ODF2: variants seen among roughly 807,000 people sequenced by gnomAD.
ODF2 encodes the protein outer dense fiber protein 2.
Under a neutral mutation model 110.2 loss-of-function variants are expected in ODF2, and 47 were observed. The observed-to-expected ratio is 0.43, with a 90% confidence interval of 0.34 to 0.54. The LOEUF is 0.54. Among genes scored for constraint, ODF2 ranks in the 20% least tolerant of loss-of-function variants. The pLI, the probability that ODF2 is intolerant of heterozygous loss-of-function variation, is 0.03. For missense variants in ODF2, 812 were observed against 1,054.5 expected, an observed-to-expected ratio of 0.77 and a Z score of 3.19; for synonymous variants, 352 against 397.7, an observed-to-expected ratio of 0.89 and a Z score of 1.37.
At chr9:128,469,502 G>C (rs1387416914) in intron 5 of ODF2, 149 bp downstream of exon 5, 2 of 744,760 alleles carry the variant, frequency 2.7e-6, no homozygotes, top group Admixed American at 2.5e-5. Context: ...CCTGCCCCGG[G>C]AGGTAGCTGG....
At chr9:128,456,441 C>T in intron 1 of ODF2, 186 bp downstream of exon 1, 2 of 1,515,074 alleles carry the variant, frequency 1.3e-6, no homozygotes, top group Non-Finnish European at 1.8e-6. Flanking sequence ...CGGGGCCTCT[C>T]CTCCTCCCGC....
chr9:128,455,994 G>A (rs1588653414), upstream of ODF2: 17 of 1,418,060 alleles, frequency 1.2e-5, no homozygotes, highest in East Asian at 2.8e-5. Flanking sequence ...GCCCGGAAGT[G>A]GGCGGCCCTT....
In ODF2 at chr9:128,485,701, G is replaced by C. The variant is rs1843226448; in HGVS notation, c.1400+227G>C. On this transcript the variant is annotated intron_variant, in intron 13 of 20. Coordinates refer to ENST00000604420, the Ensembl canonical transcript of ODF2. This position sits in a 1 kb window ranked among gnomAD's most constrained non-coding sequence, Gnocchi z 5.0. ...GGGTCCTACCCTACTGTCAGGCACT[G>C]GCTAGGGGCCGGGTCTTTCTGGTCA... is the stretch of plus-strand genomic sequence containing the variant. 6.6e-6 allele frequency among the ~76,000 whole-genome samples: 1 copy of C among 152,162 alleles called. No individual in the cohort carries two copies. Among genetic ancestry groups the C allele is most frequent in the African/African-American group, 2.4e-5 (1 of 41,426 alleles).
At chr9:128,486,002 G>A (rs1375219811) in intron 13 of ODF2, among the ~76,000 whole-genome samples, 2 of 152,176 alleles carry the variant, frequency 1.3e-5, no homozygotes, top group Non-Finnish European at 2.9e-5. Context: ...ACTGTGAATA[G>A]TGACCATTCC....
intron 4 of ODF2, among the ~76,000 whole-genome samples, chr9:128,461,790 AAAAC>A (rs908997381): frequency 4.6e-5 from 7 of 152,228 alleles, no homozygotes; most frequent in African/African-American, 1.7e-4. Context: ...ATAGAAATGA[AAAAC>A]AAAAGTAACT....
chr9:128,458,651 G>A (rs549591056), intron 2 of ODF2, among the ~76,000 whole-genome samples: 1 of 149,836 alleles, frequency 6.7e-6, no homozygotes, highest in African/African-American at 2.5e-5. Context: ...ATATGTGTAA[G>A]CAAGGTGAAT....
rs117393148 is a variant in ODF2, at chr9:128,456,374, C to G, written c.-209+119C>G. 1.5e-5 allele frequency: 21 copies of G among 1,428,196 alleles called. No homozygotes were observed. The Admixed American group carries it at 7.0e-4, about 47-fold the overall frequency. 88.5% of individuals were successfully genotyped at this position (1,428,196 alleles called of 1,614,324 possible). ...GGCCGTCGGGTCCTGGGTTCCCCGCCGCGTTGCGCTCGTCCCCCTCCTGTC... is the reference window on the plus strand; with the variant it reads ...GGCCGTCGGGTCCTGGGTTCCCCGCGGCGTTGCGCTCGTCCCCCTCCTGTC... On this transcript the variant is annotated intron_variant, in intron 1 of 20. Transcript: ENST00000604420.
At chr9:128,460,703 G>A in intron 3 of ODF2, 37 bp downstream of exon 3, 1 of 1,612,002 alleles carries the variant, frequency 6.2e-7, no homozygotes, top group African/African-American at 1.3e-5. Flanking sequence ...AGTAGCTGTG[G>A]ATCTGGGTGA....
exon 11 of ODF2, chr9:128,483,973 C>T (rs1007603611): frequency 6.2e-7 from 1 of 1,613,774 alleles, no homozygotes; most frequent in Non-Finnish European, 8.5e-7. Context: ...TTTCTAAATC[C>T]ATGGAGTCCA....
At chr9:128,459,845 G>A (rs991206737) in intron 3 of ODF2, among the ~76,000 whole-genome samples, 188 bp downstream of exon 2, 2 of 151,906 alleles carry the variant, frequency 1.3e-5, no homozygotes, top group Non-Finnish European at 2.9e-5. Flanking sequence ...GAGGCTGCCG[G>A]GTGTGAGGAA....
At chr9:128,478,222 G>A (rs919980916) in intron 8 of ODF2, among the ~76,000 whole-genome samples, 5 of 152,088 alleles carry the variant, frequency 3.3e-5, no homozygotes, top group African/African-American at 4.8e-5. Context: ...GGTCTTGAAC[G>A]CCTGACCTCA....
chr9:128,487,750 G>A, intron 13 of ODF2, 140 bp from the exon 14 acceptor site: 2 of 954,050 alleles, frequency 2.1e-6, no homozygotes, highest in South Asian at 1.6e-5. Context: ...TCGCGCCACT[G>A]CACTCCAGCC....
chr9:128,461,685 T>C (rs1032429321), intron 4 of ODF2, among the ~76,000 whole-genome samples: 8 of 152,128 alleles, frequency 5.3e-5, no homozygotes, highest in Non-Finnish European at 1.2e-4. Flanking sequence ...TCCCAAGGTG[T>C]TGGGATTACA....
chr9:128,457,029 C>G, intron 1 of ODF2: 2 of 1,282,276 alleles, frequency 1.6e-6, no homozygotes, highest in Non-Finnish European at 2.0e-6. Flanking sequence ...CACCCGCCCT[C>G]TCCGCACGTC....
intron 13 of ODF2, among the ~76,000 whole-genome samples, chr9:128,486,145 AGAG>A (rs750069919): frequency 3.0e-4 from 46 of 152,182 alleles, no homozygotes; most frequent in Non-Finnish European, 5.9e-4. Context: ...TCTACTCTGT[AGAG>A]GAGATAGGGC....
chr9:128,490,430 C>T (rs1844303384), intron 14 of ODF2, among the ~76,000 whole-genome samples: 1 of 151,768 alleles, frequency 6.6e-6, no homozygotes, highest in Non-Finnish European at 1.5e-5. Flanking sequence ...TTACAGGCAT[C>T]CACCACCATG....
intron 6 of ODF2, 151 bp downstream of exon 6, chr9:128,471,619 A>T: frequency 4.6e-6 from 3 of 649,536 alleles, no homozygotes; most frequent in Non-Finnish European, 7.8e-6. Flanking sequence ...AATTAATTAC[A>T]GTTAATTACC....
At chr9:128,471,282 G>A (rs533930484) in intron 5 of ODF2, 26 bp from the exon 6 acceptor site, 1 of 1,583,216 alleles carries the variant, frequency 6.3e-7, no homozygotes, top group East Asian at 2.3e-5. Flanking sequence ...CCCTTCAGTG[G>A]CCCCTGCCTG....
intron 14 of ODF2, among the ~76,000 whole-genome samples, chr9:128,491,866 C>CTT (rs753406341): frequency 3.6e-4 from 47 of 130,948 alleles, no homozygotes; most frequent in Middle Eastern, 4.1e-3. Flanking sequence ...TCCCCATTTT[C>CTT]TTTTTTTTTT....
Sources: allele counts gnomAD v4.1 joint callset (sites outside exome capture counted in the v4.1 genomes callset), GRCh38; gene constraint gnomAD v4.1.1; non-coding constraint Gnocchi (gnomAD v3.1); transcripts MANE v1.5; gene names NCBI Gene and HGNC (gene_info 2026-07-23, HGNC 2026-07-21).